The following PEBP4 variants were observed in gnomAD, a reference collection of about 807,000 sequenced individuals.
PEBP4 encodes the protein phosphatidylethanolamine-binding protein 4.
In PEBP4, 22 loss-of-function variants were observed where a neutral mutation model predicts 23.9. The observed-to-expected ratio is 0.92, with a 90% CI of 0.66 to 1.31. The LOEUF (loss-of-function observed/expected upper bound fraction) is 1.31, where lower values mean the gene tolerates loss of function less well. PEBP4 is among the 40% of genes most tolerant of loss of function. PEBP4 has a pLI of 0.00. For synonymous variants in PEBP4, 112 were observed against 99.3 expected (o/e 1.13, Z -0.76); for missense variants, 324 against 281.7 (o/e 1.15, Z -1.07).
Position 22,920,254 on chromosome 8 carries a change from T to C in PEBP4, c.188A>G (p.Asp63Gly), listed in dbSNP as rs778427675. The C allele has an allele frequency of 6.2e-7, 1 of 1,613,780 alleles. No individual in the cohort carries two copies. The highest frequency in any genetic ancestry group is 1.1e-5 in the South Asian group (1 of 91,046). Reference protein sequence around the residue: ...LGNIGCKVVPDCNNYRQKITS... With the variant: ...LGNIGCKVVPGCNNYRQKITS... ...GATCTTCTGTCTGTAGTTGTTACAATCAGGAACAACCTTGCAGCCAATGTT... is the reference window on the plus strand; with the variant it reads ...GATCTTCTGTCTGTAGTTGTTACAACCAGGAACAACCTTGCAGCCAATGTT... Residue 63 changes from aspartate to glycine, a missense_variant, in exon 3 of 7, where the codon GAT becomes GGT. Asp to Gly is a moderately conservative substitution (Grantham distance 94). Coordinates refer to ENST00000256404, the MANE Select transcript of PEBP4 (RefSeq NM_144962.3).
rs1022997284 is a variant in PEBP4 at position 22,724,858 on chromosome 8, C to A, written c.502G>T (p.Glu168Ter). ...EGKVISLLPK[E>*]NKTRGSWKMD... ...GAGGTCTTACCTCGAGTTTTGTTTTCCTTGGGAAGGAGAGAGATGACTTTT... is the reference window on the plus strand; with the variant it reads ...GAGGTCTTACCTCGAGTTTTGTTTTACTTGGGAAGGAGAGAGATGACTTTT... Residue 168 changes from glutamate to a stop codon, truncating the protein, a stop_gained, in exon 6 of 7, where the codon GAA becomes TAA. Coordinates refer to ENST00000256404, the MANE Select transcript of PEBP4 (RefSeq NM_144962.3). LOFTEE classifies it low-confidence loss of function (END_TRUNC). The A allele has an allele frequency of 1.2e-6, 2 of 1,613,784 alleles. No homozygotes were observed. Among genetic ancestry groups the A allele is most frequent in the Admixed American group, 1.7e-5 (1 of 60,026 alleles).
intron 4 of PEBP4, among the ~76,000 whole-genome samples, chr8:22,765,316 G>C (rs184881875): frequency 6.3e-4 from 96 of 152,184 alleles, no homozygotes; most frequent in African/African-American, 2.3e-3. Context: ...GCTAATTTTT[G>C]TATTTTTAGT....
intron 4 of PEBP4, among the ~76,000 whole-genome samples, chr8:22,731,136 G>A (rs561175647): frequency 1.7e-4 from 26 of 152,284 alleles, no homozygotes; most frequent in African/African-American, 5.8e-4. Context: ...GTTGATCTTT[G>A]AACAACATGG....
intron 4 of PEBP4, among the ~76,000 whole-genome samples, chr8:22,798,296 C>T (rs983092421): frequency 6.6e-6 from 1 of 152,128 alleles, no homozygotes; most frequent in Non-Finnish European, 1.5e-5. Context: ...TAGTAAACAA[C>T]TTGCCGGTGA....
intron 3 of PEBP4, among the ~76,000 whole-genome samples, chr8:22,896,913 T>A (rs1397227810): frequency 6.7e-6 from 1 of 150,328 alleles, no homozygotes; most frequent in Non-Finnish European, 1.5e-5. Flanking sequence ...TATTTGGATA[T>A]TTTTATATAT....
intron 3 of PEBP4, among the ~76,000 whole-genome samples, chr8:22,851,244 G>A (rs1206048355): frequency 6.6e-6 from 1 of 152,142 alleles, no homozygotes; most frequent in Admixed American, 6.5e-5. Flanking sequence ...TCTGGAAGAC[G>A]GATGCGAAAG....
At chr8:22,891,216 A>G (rs1358789236) in intron 3 of PEBP4, among the ~76,000 whole-genome samples, 1 of 151,640 alleles carries the variant, frequency 6.6e-6, no homozygotes, top group African/African-American at 2.4e-5. Flanking sequence ...TGTGTTATAT[A>G]TTTCTTCCAT....
chr8:22,924,782 G>C, intron 2 of PEBP4: 2 of 985,318 alleles, frequency 2.0e-6, no homozygotes, highest in Non-Finnish European at 2.4e-6. Flanking sequence ...TCCATTCTGC[G>C]ACTGAGCCCA....
intron 4 of PEBP4, among the ~76,000 whole-genome samples, chr8:22,728,863 G>T (rs770762673): frequency 6.6e-6 from 1 of 152,254 alleles, no homozygotes; most frequent in Non-Finnish European, 1.5e-5. Flanking sequence ...CTCCCAAAGT[G>T]CTGGGATTAC....
chr8:22,853,244 T>C (rs1006918145), intron 3 of PEBP4, among the ~76,000 whole-genome samples: 5 of 152,210 alleles, frequency 3.3e-5, no homozygotes, highest in African/African-American at 1.2e-4. Flanking sequence ...CACACTGGCC[T>C]GAACCAGTGT....
At chr8:22,922,591 A>G (rs1488064256) in intron 2 of PEBP4, among the ~76,000 whole-genome samples, 2 of 94,118 alleles carry the variant, frequency 2.1e-5, no homozygotes, top group African/African-American at 7.1e-5. Flanking sequence ...CAAACAAAAA[A>G]AAAACACCAT....
At chr8:22,915,569 G>A (rs1809055884) in intron 3 of PEBP4, among the ~76,000 whole-genome samples, 1 of 152,218 alleles carries the variant, frequency 6.6e-6, no homozygotes. Context: ...CAATAGCACT[G>A]ACATGGTGCC....
intron 3 of PEBP4, among the ~76,000 whole-genome samples, chr8:22,896,921 TATAAC>T (rs1808599973): frequency 6.7e-6 from 1 of 150,298 alleles, no homozygotes; most frequent in Non-Finnish European, 1.5e-5. Context: ...TATTTTTATA[TATAAC>T]ATATTTAGAT....
At chr8:22,781,797 C>A (rs1257898788) in intron 4 of PEBP4, among the ~76,000 whole-genome samples, 1 of 152,198 alleles carries the variant, frequency 6.6e-6, no homozygotes, top group Non-Finnish European at 1.5e-5. Context: ...CTGGAGGTGC[C>A]CATGTTGGAC....
At chr8:22,742,051 A>G (rs60044513) in intron 4 of PEBP4, among the ~76,000 whole-genome samples, 5,505 of 152,236 alleles carry the variant, frequency 0.036, 341 homozygotes, top group African/African-American at 0.13. Flanking sequence ...CTCTAGGTCC[A>G]GGGCAGGGCC....
chr8:22,747,759 C>T lies in PEBP4; in HGVS notation c.358-20539G>A, dbSNP rs113727293. Among the ~76,000 whole-genome samples the T allele has an allele frequency of 4.0e-3, 602 of 152,328 alleles. 7 individuals are homozygous for T. The highest frequency in any genetic ancestry group is 0.013 in the African/African-American group (548 of 41,576). ...ACTCTGCTCCTGGCCGGCGTTTGCCCGCTGCCTGGCCCTGGCTGTTCCAAC... is the reference window on the plus strand; with the variant it reads ...ACTCTGCTCCTGGCCGGCGTTTGCCTGCTGCCTGGCCCTGGCTGTTCCAAC... On this transcript the variant is annotated intron_variant, in intron 4 of 6. Coordinates refer to ENST00000256404, the MANE Select transcript of PEBP4 (RefSeq NM_144962.3).
intron 3 of PEBP4, among the ~76,000 whole-genome samples, chr8:22,875,682 C>G (rs368934459): frequency 1.3e-5 from 2 of 152,124 alleles, no homozygotes; most frequent in East Asian, 3.9e-4. Flanking sequence ...TCCAGGTTGT[C>G]TAGTTCCAGT....
intron 4 of PEBP4, among the ~76,000 whole-genome samples, chr8:22,776,486 C>T (rs757440054): frequency 2.6e-5 from 4 of 151,912 alleles, no homozygotes; most frequent in East Asian, 3.9e-4. Context: ...CTCCTGGTTA[C>T]GCCATCGGTC....
chr8:22,743,872 G>A (rs1049949491), intron 4 of PEBP4, among the ~76,000 whole-genome samples: 1 of 152,168 alleles, frequency 6.6e-6, no homozygotes, highest in African/African-American at 2.4e-5. Context: ...TGGAGGGTGG[G>A]GCTGGCCCGC....
Sources: gnomAD v4.1 joint callset for allele counts (sites outside exome capture counted in the v4.1 genomes callset) on GRCh38, gnomAD v4.1.1 for gene constraint, MANE v1.5 for transcripts, NCBI Gene and HGNC (gene_info 2026-07-23, HGNC 2026-07-21) for gene names.